The following EMILIN2 variants were observed in gnomAD, a reference collection of about 807,000 sequenced individuals.
EMILIN2 encodes EMILIN-2.
Under a neutral mutation model 87.1 loss-of-function variants are expected in EMILIN2, and 71 were observed. The observed-to-expected ratio is 0.82, with a 90% confidence interval of 0.67 to 0.99. The LOEUF (loss-of-function observed/expected upper bound fraction) is 0.99. EMILIN2 is among the 50% of genes least tolerant of loss of function. The pLI, the probability that EMILIN2 is intolerant of heterozygous loss-of-function variation, is 0.00. For missense variants in EMILIN2, 1,407 were observed against 1,371.8 expected (o/e 1.03, Z -0.40); for synonymous variants, 581 against 563.4 (o/e 1.03, Z -0.44).
intron 2 of EMILIN2, among the ~76,000 whole-genome samples, chr18:2,872,589 T>C (rs2076725601): frequency 6.6e-6 from 1 of 152,172 alleles, no homozygotes; most frequent in South Asian, 2.1e-4. Flanking sequence ...ATACAGTAGG[T>C]TCTAGTTAAA....
At position 2,914,347 on chromosome 18, in the gene EMILIN2, A is replaced by G. The variant is rs1320150164; in HGVS notation, c.*943A>G. On this transcript the variant is annotated 3_prime_UTR_variant, in exon 8 of 8. Coordinates refer to ENST00000254528, the MANE Select transcript of EMILIN2 (RefSeq NM_032048.3). ...TGGGGATGCTGCACTCAGATCCCAC[A>G]GCAGCTGCCCAGGCTAACTTGATCC... 3 of 152,194 alleles carry G rather than the reference A, an allele frequency of 2.0e-5. No individual in the cohort carries two copies. Among genetic ancestry groups the G allele is most frequent in the Non-Finnish European group, 4.4e-5 (3 of 68,044 alleles). 9.4% of individuals were successfully genotyped at this position (152,194 alleles called of 1,614,324 possible). A position where few individuals can be genotyped will look rare whatever the true frequency, so the allele number is the denominator to read the frequency against.
intron 4 of EMILIN2, among the ~76,000 whole-genome samples, chr18:2,895,166 G>T (rs2076857552): frequency 6.6e-6 from 1 of 152,062 alleles, no homozygotes; most frequent in Non-Finnish European, 1.5e-5. Context: ...CAGGAATGGG[G>T]TGTGGTGTGC....
At chr18:2,866,217 G>C (rs1028632588) in intron 2 of EMILIN2, among the ~76,000 whole-genome samples, 1 of 152,144 alleles carries the variant, frequency 6.6e-6, no homozygotes, top group Non-Finnish European at 1.5e-5. Flanking sequence ...CCCACTGTCC[G>C]ACACTCCCCA....
rs1470356535 is a variant in EMILIN2 at position 2,913,934 on chromosome 18, C to G, written c.*530C>G. The stretch of plus-strand genomic sequence containing the variant: ...TCACCATTGCCGCCTGGGACTTAAC[C>G]TGCTCAGGCGGGCCTTCGCCCAGCT... On this transcript the variant is annotated 3_prime_UTR_variant, in exon 8 of 8. Coordinates refer to ENST00000254528, the MANE Select transcript of EMILIN2 (RefSeq NM_032048.3). 1.3e-5 allele frequency: 2 copies of G among 154,902 alleles called. No individual in the cohort carries two copies. The highest frequency in any genetic ancestry group is 2.9e-5 in the Non-Finnish European group (2 of 69,502). 9.6% of individuals were successfully genotyped at this position (154,902 alleles called of 1,614,324 possible).
intron 2 of EMILIN2, among the ~76,000 whole-genome samples, chr18:2,877,469 T>A: frequency 6.6e-6 from 1 of 151,168 alleles, no homozygotes; most frequent in African/African-American, 2.4e-5. Flanking sequence ...ACAAAACATT[T>A]GTCATAAGTA....
At chr18:2,903,140 G>T (rs1245344219) in intron 4 of EMILIN2, among the ~76,000 whole-genome samples, 3 of 151,654 alleles carry the variant, frequency 2.0e-5, no homozygotes, top group African/African-American at 7.3e-5. Context: ...AGAAGAGAGA[G>T]GAGTGATGTC....
chr18:2,858,583 G>GTGTGTGTGTGTA (rs1180735843), intron 2 of EMILIN2, among the ~76,000 whole-genome samples: 31 of 63,032 alleles, frequency 4.9e-4, no homozygotes, highest in African/African-American at 2.8e-3. Context: ...GTGTGTGTGT[G>GTGTGTGTGTGTA]TATATATATA....
intron 2 of EMILIN2, among the ~76,000 whole-genome samples, chr18:2,876,263 G>A (rs1024569558): frequency 6.6e-6 from 1 of 151,724 alleles, no homozygotes; most frequent in East Asian, 1.9e-4. Context: ...TTACAGACAT[G>A]AGCCAACGCG....
At chr18:2,889,692 C>CTTTTTTTTTTTTTT (rs34248672) in intron 3 of EMILIN2, among the ~76,000 whole-genome samples, 104 of 96,468 alleles carry the variant, frequency 1.1e-3, no homozygotes, top group Middle Eastern at 8.1e-3. Flanking sequence ...TTTTTCTTTT[C>CTTTTTTTTTTTTTT]TTTTTTTTTT....
chr18:2,867,346 CTTTATTTA>C (rs202209941), intron 2 of EMILIN2, among the ~76,000 whole-genome samples: 7,342 of 151,114 alleles, frequency 0.049, 685 homozygotes, highest in East Asian at 0.47. Context: ...GTTTGTAGGT[CTTTATTTA>C]TTTATTTATT....
chr18:2,906,060 C>T (rs1385422012), intron 4 of EMILIN2, among the ~76,000 whole-genome samples: 1 of 152,086 alleles, frequency 6.6e-6, no homozygotes, highest in Non-Finnish European at 1.5e-5. Flanking sequence ...ACGGGGGCGG[C>T]GGGGATGGCG....
chr18:2,866,345 CTA>C (rs958507562), intron 2 of EMILIN2, among the ~76,000 whole-genome samples: 1 of 152,212 alleles, frequency 6.6e-6, no homozygotes, highest in Non-Finnish European at 1.5e-5. Flanking sequence ...TCCTTCCCCT[CTA>C]TGATTTCTTT....
At chr18:2,872,736 C>T (rs909178864) in intron 2 of EMILIN2, among the ~76,000 whole-genome samples, 4 of 152,176 alleles carry the variant, frequency 2.6e-5, no homozygotes, top group African/African-American at 9.7e-5. Context: ...GGGTTCATGT[C>T]ACGCCACTAT....
At chr18:2,909,565 A>G in intron 6 of EMILIN2, 126 bp from the exon 7 acceptor site, 11 of 1,276,664 alleles carry the variant, frequency 8.6e-6, no homozygotes, top group Non-Finnish European at 1.2e-5. Context: ...AGTTTGCTTC[A>G]CCACTTTGGG....
intron 3 of EMILIN2, among the ~76,000 whole-genome samples, chr18:2,889,405 T>C (rs1434804955): frequency 6.6e-6 from 1 of 152,120 alleles, no homozygotes; most frequent in South Asian, 2.1e-4. Flanking sequence ...TCCAAAGTGC[T>C]GGGACTACAG....
Position 2,873,639 on chromosome 18 carries a change from G to A in EMILIN2, c.258-11325G>A, listed in dbSNP as rs570794512. The stretch of plus-strand genomic sequence containing the variant: ...GGAGAATGGCGTGAACCCGGGAGGC[G>A]GAGCTTGCAGTGAGCCAAGATCGCG... On this transcript the variant is annotated intron_variant, in intron 2 of 7. Transcript: ENST00000254528. Among the ~76,000 whole-genome samples, 768 of 145,612 alleles carry A rather than the reference G, an allele frequency of 5.3e-3. 3 individuals are homozygous for A. Among genetic ancestry groups the A allele is most frequent in the Non-Finnish European group, 9.2e-3 (608 of 66,244 alleles).
In EMILIN2 at chr18:2,894,316, C is replaced by T. The variant is rs973599507; in HGVS notation, c.2359+1830C>T. ...AGCACTGTGCTTATCTTGCAGATGA[C>T]GAGTCACCTAGGCCCAGGAGGACCA... is the stretch of plus-strand genomic sequence containing the variant. On this transcript the variant is annotated intron_variant, in intron 4 of 7. Transcript: ENST00000254528. This position sits in a 1 kb window ranked among gnomAD's most constrained non-coding sequence, Gnocchi z 5.0. Among the ~76,000 whole-genome samples, 2 of 152,226 alleles carry T rather than the reference C, an allele frequency of 1.3e-5. No homozygotes were observed. Among genetic ancestry groups the T allele is most frequent in the South Asian group, 2.1e-4 (1 of 4,830 alleles).
chr18:2,890,459 G>C lies in EMILIN2; in HGVS notation c.434-102G>C. On this transcript the variant is annotated intron_variant, in intron 3 of 7. Transcript: ENST00000254528. This position sits in a 1 kb window ranked among gnomAD's most constrained non-coding sequence, Gnocchi z 4.7. ...TACAATTGTGTAGTGACCTGTAAGT[G>C]AAGATGTACATGTATTTTGTAGGTA... is the stretch of plus-strand genomic sequence containing the variant. 7.3e-7 allele frequency: 1 copy of C among 1,370,942 alleles called. No homozygotes were observed. The highest frequency in any genetic ancestry group is 1.5e-5 in the South Asian group (1 of 67,918). The allele number at this position is 1,370,942 out of a possible 1,614,324, so 84.9% of individuals were successfully genotyped here.
At chr18:2,907,296 G>A (rs1348059205) in intron 5 of EMILIN2, among the ~76,000 whole-genome samples, 3 of 152,222 alleles carry the variant, frequency 2.0e-5, no homozygotes, top group African/African-American at 4.8e-5. Context: ...CAGTGCAGTC[G>A]TCTGTACTTA....
Sources: allele counts gnomAD v4.1 joint callset (sites outside exome capture counted in the v4.1 genomes callset), GRCh38; gene constraint gnomAD v4.1.1; non-coding constraint Gnocchi (gnomAD v3.1); transcripts MANE v1.5; gene names NCBI Gene and HGNC (gene_info 2026-07-23, HGNC 2026-07-21).